The following GUCY1A2 variants were observed in gnomAD, a reference collection of about 807,000 sequenced individuals.
The protein encoded by GUCY1A2 is guanylate cyclase 1 soluble subunit alpha 2, also known as guanylate cyclase soluble subunit alpha-2.
GUCY1A2 carries 27 observed loss-of-function variants against 63.5 expected under a neutral mutation model. The ratio of observed to expected loss-of-function variants is 0.43; its 90% confidence interval spans 0.31 to 0.59. The LOEUF (loss-of-function observed/expected upper bound fraction) is 0.59, where lower values mean the gene tolerates loss of function less well. GUCY1A2 is among the 20% of genes least tolerant of loss of function. GUCY1A2 has a pLI of 0.11. For synonymous variants in GUCY1A2, 364 were observed against 343.5 expected, an observed-to-expected ratio of 1.06 and a Z score of -0.66; for missense variants, 768 against 913.3, an observed-to-expected ratio of 0.84 and a Z score of 2.05.
At chr11:106,868,362 G>T (rs1477728711) in intron 4 of GUCY1A2, among the ~76,000 whole-genome samples, 1 of 151,688 alleles carries the variant, frequency 6.6e-6, no homozygotes, top group African/African-American at 2.4e-5. Flanking sequence ...AAACCCCATC[G>T]TCTCAGCCCC....
Position 106,781,131 on chromosome 11 carries a change from A to G in GUCY1A2, c.1693-4549T>C, listed in dbSNP as rs926616626. Among the ~76,000 whole-genome samples the G allele has an allele frequency of 7.5e-4, 113 of 150,396 alleles. 1 individual carries two copies. Among genetic ancestry groups the G allele is most frequent in the Admixed American group, 3.2e-3 (48 of 15,122 alleles). On this transcript the variant is annotated intron_variant, in intron 5 of 7. Coordinates refer to ENST00000526355, the MANE Select transcript of GUCY1A2 (RefSeq NM_000855.3). ...AGACTACAAAAAAAAAAAAAAAAAA[A>G]AAGAAAAACTGTCTAAAAGTTGACT...
intron 4 of GUCY1A2, among the ~76,000 whole-genome samples, chr11:106,923,523 T>A (rs1860477152): frequency 6.6e-6 from 1 of 152,174 alleles, no homozygotes; most frequent in South Asian, 2.1e-4. Flanking sequence ...CAATCACACA[T>A]CCCCGTAAAC....
At chr11:106,783,044 A>G (rs151147842) in intron 5 of GUCY1A2, among the ~76,000 whole-genome samples, 26 of 152,316 alleles carry the variant, frequency 1.7e-4, no homozygotes, top group Non-Finnish European at 3.4e-4. Context: ...GAAGATAACC[A>G]GCTTGCCACC....
chr11:106,708,759 TAATA>T, intron 6 of GUCY1A2, 93 bp from the exon 7 acceptor site: 1 of 749,740 alleles, frequency 1.3e-6, no homozygotes, highest in Non-Finnish European at 2.0e-6. Context: ...ATAATAATAA[TAATA>T]AAAAAAAACT....
intron 6 of GUCY1A2, among the ~76,000 whole-genome samples, chr11:106,721,486 T>C (rs1419013369): frequency 6.6e-6 from 1 of 152,180 alleles, no homozygotes; most frequent in Non-Finnish European, 1.5e-5. Context: ...TAGAAATGAG[T>C]CAACCAACCG....
chr11:107,012,180 G>C (rs1311269599), intron 1 of GUCY1A2, among the ~76,000 whole-genome samples: 1 of 151,648 alleles, frequency 6.6e-6, no homozygotes, highest in East Asian at 1.9e-4. Flanking sequence ...GTCATACCCA[G>C]GGGCCAAAAA....
At chr11:106,912,275 C>T (rs1164292588) in intron 4 of GUCY1A2, among the ~76,000 whole-genome samples, 1 of 151,856 alleles carries the variant, frequency 6.6e-6, no homozygotes, top group African/African-American at 2.4e-5. Context: ...AAATACAATA[C>T]ACATTACAAC....
chr11:106,792,385 CAAAAA>C, intron 5 of GUCY1A2, among the ~76,000 whole-genome samples: 1 of 84,834 alleles, frequency 1.2e-5, no homozygotes, highest in Admixed American at 1.3e-4. Flanking sequence ...GACTCCATCT[CAAAAA>C]AAAAAAAAAA....
intron 6 of GUCY1A2, among the ~76,000 whole-genome samples, chr11:106,725,099 GAAC>G (rs1863381576): frequency 6.9e-6 from 1 of 145,542 alleles, no homozygotes; most frequent in African/African-American, 2.5e-5. Flanking sequence ...TTTTGGTAGA[GAAC>G]AACTCAGATA....
At chr11:106,761,780 A>AAAAT in intron 6 of GUCY1A2, among the ~76,000 whole-genome samples, 1 of 152,132 alleles carries the variant, frequency 6.6e-6, no homozygotes, top group Non-Finnish European at 1.5e-5. Flanking sequence ...GTATATTTTT[A>AAAAT]AAATATGGTA....
chr11:106,748,966 G>A (rs960967038), intron 6 of GUCY1A2, among the ~76,000 whole-genome samples: 1 of 152,076 alleles, frequency 6.6e-6, no homozygotes, highest in Non-Finnish European at 1.5e-5. Flanking sequence ...ATACAGTCAT[G>A]TGTCACATAA....
intron 4 of GUCY1A2, among the ~76,000 whole-genome samples, chr11:106,870,797 T>C (rs1859666322): frequency 6.6e-6 from 1 of 152,142 alleles, no homozygotes; most frequent in South Asian, 2.1e-4. Context: ...GGTTCTTTCA[T>C]TCTTTTGTTT....
intron 1 of GUCY1A2, among the ~76,000 whole-genome samples, chr11:107,016,499 T>C (rs1360548651): frequency 2.0e-5 from 3 of 152,254 alleles, no homozygotes; most frequent in African/African-American, 4.8e-5. Context: ...GCAGTACTCC[T>C]CTGGAAGGAT....
At chr11:106,731,629 A>G (rs1016753540) in intron 6 of GUCY1A2, among the ~76,000 whole-genome samples, 1 of 152,112 alleles carries the variant, frequency 6.6e-6, no homozygotes, top group Non-Finnish European at 1.5e-5. Context: ...TTCTATACCT[A>G]GAAAACCCCA....
chr11:107,004,408 T>G (rs1861646746), intron 1 of GUCY1A2, among the ~76,000 whole-genome samples: 1 of 152,320 alleles, frequency 6.6e-6, no homozygotes, highest in Admixed American at 6.5e-5. Context: ...CCATAGCAGT[T>G]GCTTAATACA....
At position 106,820,196 on chromosome 11, in the gene GUCY1A2, C is replaced by T. The variant is rs540763047; in HGVS notation, c.1207-9718G>A. Among the ~76,000 whole-genome samples the T allele has an allele frequency of 1.6e-4, 24 of 152,226 alleles. No homozygotes were observed. In the South Asian group the frequency reaches 3.7e-3, roughly 24 times the overall value. The stretch of plus-strand genomic sequence containing the variant: ...CTTTGAAATAAAACCAACTTTCCCC[C>T]ATAGGGCTATTTATTTTTTAAAAAA... On this transcript the variant is annotated intron_variant, in intron 4 of 7. Transcript: ENST00000526355.
intron 4 of GUCY1A2, among the ~76,000 whole-genome samples, chr11:106,924,087 T>C (rs1860486475): frequency 1.3e-5 from 2 of 152,322 alleles, no homozygotes; most frequent in Middle Eastern, 3.4e-3. Flanking sequence ...AGGAAACTTA[T>C]TTCAATTTTC....
chr11:106,824,218 T>A lies in GUCY1A2; in HGVS notation c.1207-13740A>T, dbSNP rs1195278020. 3.5e-6 allele frequency: 4 copies of A among 1,157,022 alleles called. No individual in the cohort carries two copies. In the Admixed American group the frequency reaches 1.1e-4, roughly 33 times the overall value. The allele number at this position is 1,157,022 out of a possible 1,614,324, so 71.7% of individuals were successfully genotyped here. On this transcript the variant is annotated intron_variant, in intron 4 of 7. Transcript: ENST00000526355. ...TATTAATTTTCAGTTTTATATATTT[T>A]AAAAAGTATATTAAAGCCTATGGGA... is the stretch of plus-strand genomic sequence containing the variant.
intron 4 of GUCY1A2, among the ~76,000 whole-genome samples, chr11:106,913,140 TATAA>T (rs1860318965): frequency 6.7e-6 from 1 of 148,504 alleles, no homozygotes; most frequent in South Asian, 2.2e-4. Context: ...TATATATATA[TATAA>T]AAGCAATCAA....
Sources: gnomAD v4.1 joint callset for allele counts (sites outside exome capture counted in the v4.1 genomes callset) on GRCh38, gnomAD v4.1.1 for gene constraint, MANE v1.5 for transcripts, NCBI Gene and HGNC (gene_info 2026-07-23, HGNC 2026-07-21) for gene names.